IGLL1: variants seen among roughly 807,000 people sequenced by gnomAD.
IGLL1 encodes the protein immunoglobulin lambda-like polypeptide 1.
A neutral mutation model predicts 10.5 loss-of-function variants in IGLL1; 10 were observed. That is an observed-to-expected ratio of 0.95 (90% confidence interval 0.59 to 1.62). IGLL1 has a LOEUF of 1.62. Ranked by LOEUF, IGLL1 falls within the 40% of genes most tolerant of loss-of-function variation. The pLI is 0.00. For missense variants in IGLL1, 284 were observed against 278.7 expected (o/e 1.02, Z -0.14); for synonymous variants, 141 against 122.7 (o/e 1.15, Z -0.99).
intron 1 of IGLL1, among the ~76,000 whole-genome samples, chr22:23,576,360 C>CAAAAA (rs11455488): frequency 1.8e-4 from 12 of 67,104 alleles, no homozygotes; most frequent in African/African-American, 2.3e-4. Flanking sequence ...AAGACTGTCC[C>CAAAAA]AAAAAAAAAA....
chr22:23,573,648 C>G lies in IGLL1; in HGVS notation c.323-63G>C, dbSNP rs1276827788. ...GAGTGTGGGGTGTTGTGGAGCGCCT[C>G]TCTCTGTCTAAAGTCTCTGGGAGGG... is the stretch of plus-strand genomic sequence containing the variant. On this transcript the variant is annotated intron_variant, in intron 2 of 2. Transcript: ENST00000330377. The G allele has an allele frequency of 4.6e-6, 6 of 1,309,884 alleles. No homozygotes were observed. The Admixed American group carries it at 8.8e-5, about 19-fold the overall frequency. 81.1% of individuals were successfully genotyped at this position (1,309,884 alleles called of 1,614,324 possible). A position where few individuals can be genotyped will look rare whatever the true frequency, so the allele number is the denominator to read the frequency against.
At position 23,580,183 on chromosome 22, in the gene IGLL1, G is replaced by T. The variant is rs767860445; in HGVS notation, c.8C>A (p.Pro3Gln). Reference sequence around the variant, plus strand: ...CTCAAGGCCCCCCTGGCCTGTCCCTGGCCTCATCGGCCCTCAGGGTCAGAG... The same window carrying T: ...CTCAAGGCCCCCCTGGCCTGTCCCTTGCCTCATCGGCCCTCAGGGTCAGAG... MR[P>Q]GTGQGGLEAP... Residue 3 changes from proline (P) to glutamine (Q), a missense_variant, in exon 1 of 3, where the codon CCA (proline) becomes CAA (glutamine). By Grantham distance (76) the Pro-to-Gln change is moderately conservative. Coordinates refer to ENST00000330377, the MANE Select transcript of IGLL1 (RefSeq NM_020070.4). The T allele has an allele frequency of 1.9e-6, 3 of 1,540,002 alleles. No homozygotes were observed. Among genetic ancestry groups the T allele is most frequent in the Admixed American group, 3.9e-5 (2 of 51,028 alleles).
chr22:23,580,201 G>A lies in IGLL1; in HGVS notation c.-11C>T, dbSNP rs1286083175. 1.3e-6 allele frequency: 2 copies of A among 1,537,206 alleles called. No homozygotes were observed. Among genetic ancestry groups the A allele is most frequent in the Admixed American group, 3.9e-5 (2 of 50,996 alleles). ...TGTCCCTGGCCTCATCGGCCCTCAGGGTCAGAGGTCCTTGTGGCCTGACTT... is the reference window on the plus strand; with the variant it reads ...TGTCCCTGGCCTCATCGGCCCTCAGAGTCAGAGGTCCTTGTGGCCTGACTT... On this transcript the variant is annotated 5_prime_UTR_variant, in exon 1 of 3. Transcript: ENST00000330377.
chr22:23,577,630 G>C lies in IGLL1; in HGVS notation c.206+2355C>G, dbSNP rs562595972. On this transcript the variant is annotated intron_variant, in intron 1 of 2. Coordinates refer to ENST00000330377, the MANE Select transcript of IGLL1 (RefSeq NM_020070.4). The stretch of plus-strand genomic sequence containing the variant: ...TCAGCTTACTGCATCCTCAACCTCC[G>C]AGGCTTAAGCAATCCTCTCACCAGC... Among the ~76,000 whole-genome samples, 4 of 138,998 alleles carry C rather than the reference G, an allele frequency of 2.9e-5. No individual in the cohort carries two copies. In the East Asian group the frequency reaches 9.5e-4, roughly 33 times the overall value. 91.2% of individuals were successfully genotyped at this position (138,998 alleles called of 152,430 possible).
chr22:23,578,637 A>G (rs539624724), intron 1 of IGLL1, among the ~76,000 whole-genome samples: 138 of 152,266 alleles, frequency 9.1e-4, no homozygotes, highest in African/African-American at 3.2e-3. Context: ...GGCCCTCACC[A>G]GTCAGGGCCC....
intron 1 of IGLL1, among the ~76,000 whole-genome samples, chr22:23,576,483 T>C (rs1925074462): frequency 6.6e-6 from 1 of 151,596 alleles, no homozygotes; most frequent in African/African-American, 2.4e-5. Flanking sequence ...CAGGCTGGAG[T>C]GCAATGGTGC....
At position 23,580,170 on chromosome 22, in the gene IGLL1, C is replaced by G. The variant is rs1044209410; in HGVS notation, c.21G>C (p.Gln7His). Residue 7 changes from glutamine (Q) to histidine (H), a missense_variant, in exon 1 of 3, where the codon CAG becomes CAC. Coordinates refer to ENST00000330377, the MANE Select transcript of IGLL1 (RefSeq NM_020070.4). Reference sequence around the variant, plus strand: ...GCTCACCAGGGGCCTCAAGGCCCCCCTGGCCTGTCCCTGGCCTCATCGGCC... The same window carrying G: ...GCTCACCAGGGGCCTCAAGGCCCCCGTGGCCTGTCCCTGGCCTCATCGGCC... MRPGTG[Q>H]GGLEAPGEPG... 1.1e-4 allele frequency: 164 copies of G among 1,543,498 alleles called. No homozygotes were observed. The highest frequency in any genetic ancestry group is 1.5e-4 in the African/African-American group (11 of 73,392).
At chr22:23,579,020 C>A (rs996645200) in intron 1 of IGLL1, among the ~76,000 whole-genome samples, 1 of 151,966 alleles carries the variant, frequency 6.6e-6, no homozygotes, top group Non-Finnish European at 1.5e-5. Flanking sequence ...CAGAGATGCA[C>A]GTGTCCGCTC....
In IGLL1 at chr22:23,579,978, C is replaced by A. The variant is rs1323089216; in HGVS notation, c.206+7G>T. On this transcript the variant is annotated splice_region_variant and intron_variant, in intron 1 of 2. Coordinates refer to ENST00000330377, the MANE Select transcript of IGLL1 (RefSeq NM_020070.4). ...CCCCACATCCCCTGGAATCTCTCAC[C>A]CCTTACCTGCCCCACCGGCTCCTCA... 1.3e-6 allele frequency: 2 copies of A among 1,572,416 alleles called. No homozygotes were observed. The highest frequency in any genetic ancestry group is 1.3e-5 in the African/African-American group (1 of 74,312).
chr22:23,577,752 T>C (rs1314769642), intron 1 of IGLL1, among the ~76,000 whole-genome samples: 1 of 152,054 alleles, frequency 6.6e-6, no homozygotes, highest in African/African-American at 2.4e-5. Context: ...CTCAGGCTGA[T>C]CTCAAACTCC....
rs375103902 is a variant in IGLL1, at chr22:23,580,072, C to T, written c.119G>A (p.Arg40His). 41 of 1,572,530 alleles carry T rather than the reference C, an allele frequency of 2.6e-5. No homozygotes were observed. In the South Asian group the frequency reaches 2.8e-4, roughly 11 times the overall value. Residue 40 changes from arginine (R) to histidine (H), a missense_variant, in exon 1 of 3, where the codon CGC (arginine) becomes CAC (histidine). Arg to His is a conservative substitution (Grantham distance 29, BLOSUM62 0). Transcript: ENST00000330377. ...GLAVVTHGLLRPTAASQSRAL... is the reference protein window; with the variant it reads ...GLAVVTHGLLHPTAASQSRAL... ...CCTGCTCTGCGATGCAGCTGTTGGG[C>T]GCAGCAGGCCATGGGTTACCACGGC...
rs146592375 is a variant in IGLL1, at chr22:23,573,362, C to T, written c.546G>A (p.Thr182=). The T allele has an allele frequency of 1.3e-5, 21 of 1,614,122 alleles. No homozygotes were observed. Among genetic ancestry groups the T allele is most frequent in the Admixed American group, 3.3e-5 (2 of 60,018 alleles). The part of the protein sequence containing the change: ...KYAASSYLSL[T]PEQWRSRRSY... ...TTCTGCGGGACCTCCACTGCTCGGG[C>T]GTCAGGCTCAGGTAGCTGCTGGCCG... is the stretch of plus-strand genomic sequence containing the variant. The change falls in exon 3 of 3, where the codon ACG becomes ACA. Residue 182 remains threonine, a synonymous_variant. Transcript: ENST00000330377.
intron 1 of IGLL1, among the ~76,000 whole-genome samples, chr22:23,575,759 T>C (rs1424787432): frequency 2.0e-5 from 3 of 152,204 alleles, no homozygotes; most frequent in Admixed American, 6.5e-5. Flanking sequence ...TCCCAGGCCA[T>C]GGTCAACAAG....
intron 1 of IGLL1, 138 bp from the exon 2 acceptor site, chr22:23,575,220 A>C (rs3885478): frequency 1.3e-6 from 1 of 752,688 alleles, no homozygotes; most frequent in Admixed American, 1.8e-5. Flanking sequence ...GTGCTGCCCC[A>C]GCGTGTGTCC....
At chr22:23,580,290 C>CA, upstream of IGLL1, 2 of 1,520,796 alleles carry the variant, frequency 1.3e-6, no homozygotes, top group Admixed American at 3.9e-5. Flanking sequence ...TGTCCCATTG[C>CA]ACCCCAGTCC....
chr22:23,576,289 T>G (rs1440545710), intron 1 of IGLL1, among the ~76,000 whole-genome samples: 1 of 150,592 alleles, frequency 6.6e-6, no homozygotes, highest in Admixed American at 6.6e-5. Flanking sequence ...GACATTCTTT[T>G]TTTTTTTGAG....
At chr22:23,576,681 C>T (rs965967345) in intron 1 of IGLL1, among the ~76,000 whole-genome samples, 4 of 152,180 alleles carry the variant, frequency 2.6e-5, no homozygotes, top group South Asian at 2.1e-4. Flanking sequence ...ATCTGCCCAC[C>T]TTGGCCTCTC....
At chr22:23,574,243 C>T (rs955252471) in intron 2 of IGLL1, among the ~76,000 whole-genome samples, 2 of 151,952 alleles carry the variant, frequency 1.3e-5, no homozygotes, top group Non-Finnish European at 2.9e-5. Flanking sequence ...TCTGCACTCC[C>T]GTTTACTCCC....
In IGLL1 at chr22:23,573,563, C is replaced by T. The variant is rs373712072; in HGVS notation, c.345G>A (p.Ser115=). The T allele has an allele frequency of 8.1e-5, 130 of 1,613,642 alleles. 1 individual carries two copies. Among genetic ancestry groups the T allele is most frequent in the South Asian group, 4.4e-4 (40 of 90,964 alleles). The change falls in exon 3 of 3, where the codon TCG becomes TCA. Residue 115 remains serine, a synonymous_variant. Coordinates refer to ENST00000330377, the MANE Select transcript of IGLL1 (RefSeq NM_020070.4). ...TVLSQPKATP[S]VTLFPPSSEE... is the part of the protein sequence containing the mutation. ...CAGAGGACGGCGGGAACAGAGTGAC[C>T]GAGGGGGTGGCCTTGGGCTGACCTG...
Sources: allele counts gnomAD v4.1 joint callset (sites outside exome capture counted in the v4.1 genomes callset), GRCh38; gene constraint gnomAD v4.1.1; transcripts MANE v1.5; gene names NCBI Gene and HGNC (gene_info 2026-07-23, HGNC 2026-07-21).